Variants in FOXP4 observed in about 807,000 individuals in gnomAD.
FOXP4 encodes the protein forkhead box P4.
Under a neutral mutation model 82.6 loss-of-function variants are expected in FOXP4, and 25 were observed. The ratio of observed to expected loss-of-function variants is 0.30; its 90% CI spans 0.22 to 0.42. FOXP4 has a LOEUF of 0.42. Ranked by LOEUF, FOXP4 falls within the 10% of genes least tolerant of loss-of-function variation. The pLI is 1.00. For missense variants in FOXP4, 785 were observed against 900.9 expected (o/e 0.87, Z 1.65); for synonymous variants, 415 against 388.2 (o/e 1.07, Z -0.81).
At chr6:41,596,410 A>T (rs1436121319) in intron 14 of FOXP4, among the ~76,000 whole-genome samples, 1 of 152,080 alleles carries the variant, frequency 6.6e-6, no homozygotes, top group East Asian at 1.9e-4. Context: ...GCTCCCCTCA[A>T]AGATGCCTGC....
At chr6:41,570,793 C>T (rs1765156219) in intron 2 of FOXP4, among the ~76,000 whole-genome samples, 1 of 152,290 alleles carries the variant, frequency 6.6e-6, no homozygotes, top group Non-Finnish European at 1.5e-5. Flanking sequence ...AAGGATTTAT[C>T]TTGAGGATTG....
chr6:41,561,537 T>C (rs765214539), intron 1 of FOXP4, among the ~76,000 whole-genome samples: 22 of 152,030 alleles, frequency 1.4e-4, no homozygotes, highest in Non-Finnish European at 2.5e-4. Context: ...GTTCCGCAGG[T>C]GTTCAGCTGC....
chr6:41,564,252 G>A (rs529151123), intron 1 of FOXP4, among the ~76,000 whole-genome samples: 1 of 152,104 alleles, frequency 6.6e-6, no homozygotes, highest in African/African-American at 2.4e-5. Context: ...CCAGGAGTTC[G>A]AGACCAGCCT....
At position 41,558,082 on chromosome 6, in the gene FOXP4, CA is replaced by C. The variant is rs67382534; in HGVS notation, c.-16-7662del. On this transcript the variant is annotated intron_variant, in intron 1 of 16. Coordinates refer to ENST00000307972, the MANE Select transcript of FOXP4 (RefSeq NM_001012426.2). The surrounding 1 kb of genome is among the most constrained non-coding windows in gnomAD (Gnocchi z 4.0). ...GAGGGAGACTCCCAGGCCAGGAACTCAGGCAGAGATGGGGGTACAGAGGGAA... is the reference window on the plus strand; with the variant it reads ...GAGGGAGACTCCCAGGCCAGGAACTCGGCAGAGATGGGGGTACAGAGGGAA... Among the ~76,000 whole-genome samples the C allele has an allele frequency of 0.021, 3,179 of 152,204 alleles. 99 individuals carry two copies. Among genetic ancestry groups the C allele is most frequent in the African/African-American group, 0.065 (2,684 of 41,512 alleles).
At chr6:41,596,408 C>G (rs1320471167) in intron 14 of FOXP4, among the ~76,000 whole-genome samples, 3 of 152,188 alleles carry the variant, frequency 2.0e-5, no homozygotes, top group Non-Finnish European at 2.9e-5. Flanking sequence ...CTGCTCCCCT[C>G]AAAGATGCCT....
chr6:41,562,297 G>A (rs564557118), intron 1 of FOXP4, among the ~76,000 whole-genome samples: 6 of 152,244 alleles, frequency 3.9e-5, no homozygotes, highest in African/African-American at 1.4e-4. Flanking sequence ...CCTGGAGGGG[G>A]CAGAGCATGC....
intron 3 of FOXP4, among the ~76,000 whole-genome samples, chr6:41,582,037 G>C (rs562469062): frequency 8.5e-5 from 13 of 152,338 alleles, no homozygotes; most frequent in African/African-American, 2.4e-4. Context: ...CTAGTGCCTT[G>C]GTCCTCAGTG....
intron 14 of FOXP4, 63 bp downstream of exon 14, chr6:41,595,054 A>C: frequency 1.2e-6 from 2 of 1,603,642 alleles, no homozygotes; most frequent in Non-Finnish European, 1.7e-6. Flanking sequence ...ACTCACCCCC[A>C]CCCCCTACCT....
chr6:41,597,992 C>A, intron 16 of FOXP4, 42 bp downstream of exon 16: 1 of 1,418,068 alleles, frequency 7.1e-7, no homozygotes, highest in Non-Finnish European at 9.2e-7. Flanking sequence ...CAGCACCCCT[C>A]AACCACCAGG....
intron 1 of FOXP4, among the ~76,000 whole-genome samples, chr6:41,560,627 A>G (rs868777794): frequency 6.6e-5 from 10 of 152,158 alleles, no homozygotes; most frequent in African/African-American, 2.4e-4. Flanking sequence ...CCGGGCATCC[A>G]TCAGTCTGTT....
At chr6:41,573,817 G>A (rs570580262) in intron 2 of FOXP4, among the ~76,000 whole-genome samples, 13 of 152,152 alleles carry the variant, frequency 8.5e-5, no homozygotes, top group Non-Finnish European at 1.5e-4. Context: ...ATACGGTGGA[G>A]CCAGAACTTG....
chr6:41,557,179 C>T (rs1356396984), intron 1 of FOXP4, among the ~76,000 whole-genome samples: 1 of 152,136 alleles, frequency 6.6e-6, no homozygotes, highest in South Asian at 2.1e-4. Flanking sequence ...TGTTGAGTTG[C>T]AAATGCCTTA....
At chr6:41,555,145 C>G (rs1463412942) in intron 1 of FOXP4, among the ~76,000 whole-genome samples, 1 of 151,962 alleles carries the variant, frequency 6.6e-6, no homozygotes, top group Admixed American at 6.6e-5. Flanking sequence ...ACTCGGGAGG[C>G]TGAGACCAGA....
rs891612141 is a variant in FOXP4, at chr6:41,593,703, G to A, written c.1537-1167G>A. 1.3e-5 allele frequency among the ~76,000 whole-genome samples: 2 copies of A among 152,240 alleles called. No homozygotes were observed. The highest frequency in any genetic ancestry group is 2.4e-5 in the African/African-American group (1 of 41,540). ...CGCTCCAAGAGATTCCACTCCAGCCGCCCGCCTCCCTCGTGGATTAGCAAG... is the reference window on the plus strand; with the variant it reads ...CGCTCCAAGAGATTCCACTCCAGCCACCCGCCTCCCTCGTGGATTAGCAAG... On this transcript the variant is annotated intron_variant, in intron 13 of 16. Coordinates refer to ENST00000307972, the MANE Select transcript of FOXP4 (RefSeq NM_001012426.2). The surrounding 1 kb of genome is among the most constrained non-coding windows in gnomAD (Gnocchi z 4.1).
chr6:41,554,716 C>T (rs974658587), intron 1 of FOXP4, among the ~76,000 whole-genome samples: 4 of 152,052 alleles, frequency 2.6e-5, no homozygotes, highest in Admixed American at 1.3e-4. Flanking sequence ...AAAAGTTAGC[C>T]GGGCGTGGTG....
At chr6:41,550,356 T>C (rs1020017566) in intron 1 of FOXP4, among the ~76,000 whole-genome samples, 17 of 152,196 alleles carry the variant, frequency 1.1e-4, no homozygotes, top group African/African-American at 4.1e-4. Context: ...GGGTGCATGG[T>C]AGTACTGATC....
Position 41,590,154 on chromosome 6 carries a change from C to A in FOXP4, c.1341C>A (p.Cys447Ter). The change falls in exon 11 of 17, where the codon TGC becomes TGA. Residue 447 changes from cysteine to a stop codon, truncating the protein, a stop_gained. Coordinates refer to ENST00000307972, the MANE Select transcript of FOXP4 (RefSeq NM_001012426.2). LOFTEE classifies it high-confidence loss of function. ...GTCGGAGAAGCAGTGACAAGTTCTG[C>A]TCCCCCATCTCCTCAGGTGAGGGTG... ...PARRRSSDKF[C>*]SPISSELAQN... 6.2e-7 allele frequency: 1 copy of A among 1,606,288 alleles called. No homozygotes were observed. The highest frequency in any genetic ancestry group is 1.1e-5 in the South Asian group (1 of 90,398).
intron 1 of FOXP4, among the ~76,000 whole-genome samples, chr6:41,554,809 G>A (rs1764185596): frequency 6.6e-6 from 1 of 151,822 alleles, no homozygotes; most frequent in Admixed American, 6.6e-5. Flanking sequence ...GCAGTGAGCC[G>A]AGATTGTGCC....
intron 1 of FOXP4, among the ~76,000 whole-genome samples, chr6:41,552,118 G>A (rs917331877): frequency 2.6e-5 from 4 of 152,154 alleles, no homozygotes; most frequent in South Asian, 2.1e-4. Context: ...TCTCCTCAGC[G>A]GGGCTTCCTT....
Sources: allele counts gnomAD v4.1 joint callset (sites outside exome capture counted in the v4.1 genomes callset), GRCh38; gene constraint gnomAD v4.1.1; non-coding constraint Gnocchi (gnomAD v3.1); transcripts MANE v1.5; gene names NCBI Gene and HGNC (gene_info 2026-07-23, HGNC 2026-07-21).